Variants in PBX1 observed in about 807,000 individuals in gnomAD.
PBX1 encodes PBX homeobox 1, also known as pre-B-cell leukemia transcription factor 1.
In PBX1, 6 loss-of-function variants were observed where a neutral mutation model predicts 53.4. The observed-to-expected ratio is 0.11, with a 90% CI of 0.06 to 0.22. The LOEUF (loss-of-function observed/expected upper bound fraction) is 0.22, where lower values mean the gene tolerates loss of function less well. Ranked by LOEUF, PBX1 falls within the 10% of genes least tolerant of loss-of-function variation. The pLI, the probability that PBX1 is intolerant of heterozygous loss-of-function variation, is 1.00. For synonymous variants in PBX1, 204 were observed against 212.3 expected, an observed-to-expected ratio of 0.96 and a Z score of 0.34; for missense variants, 251 against 551.4, an observed-to-expected ratio of 0.46 and a Z score of 5.46.
intron 2 of PBX1, among the ~76,000 whole-genome samples, chr1:164,659,415 A>G (rs551564534): frequency 7.9e-5 from 12 of 152,324 alleles, no homozygotes; most frequent in Admixed American, 2.6e-4. Context: ...TCCTCCCTCT[A>G]TATTAACAAA....
intron 2 of PBX1, among the ~76,000 whole-genome samples, chr1:164,791,664 C>T (rs1447238459): frequency 6.6e-6 from 1 of 151,334 alleles, no homozygotes; most frequent in Non-Finnish European, 1.5e-5. Context: ...CAACCACAGA[C>T]TTATGGAAAT....
rs1672331601 is a variant in PBX1 at position 164,870,270 on chromosome 1, T to TTCCTTCC, written n.258-28917_258-28916insCCTTCCT. On this transcript the variant is annotated intron_variant and non_coding_transcript_variant, in intron 2 of 2. Coordinates refer to the PBX1 transcript ENST00000558796. Reference sequence around the variant, plus strand: ...CCTTCCTTCCTTCCTTCCTTCCTTCTTTCTTTCTTTCTTTCTTTCTTTCTT... The same window carrying TTCCTTCC: ...CCTTCCTTCCTTCCTTCCTTCCTTCTTCCTTCCTTCTTTCTTTCTTTCTTTCTTTCTT... Among the ~76,000 whole-genome samples, 40 of 21,452 alleles carry TTCCTTCC rather than the reference T, an allele frequency of 1.9e-3. 1 individual carries two copies. The highest frequency in any genetic ancestry group is 5.3e-3 in the East Asian group (4 of 758). 14.1% of individuals were successfully genotyped at this position (21,452 alleles called of 152,430 possible).
At chr1:164,662,795 T>C (rs7548818) in intron 2 of PBX1, among the ~76,000 whole-genome samples, 10,804 of 152,048 alleles carry the variant, frequency 0.071, 494 homozygotes, top group South Asian at 0.14. Context: ...TTTATCATTC[T>C]ATGTCATTAT....
At chr1:164,817,206 C>T (rs895465311) in intron 6 of PBX1, 1 of 152,178 alleles carries the variant, frequency 6.6e-6, no homozygotes, top group African/African-American at 2.4e-5. Flanking sequence ...TCTGAATGAT[C>T]TTCTCAGCAA....
chr1:164,600,532 A>T (rs1656096565), intron 2 of PBX1, among the ~76,000 whole-genome samples: 1 of 152,200 alleles, frequency 6.6e-6, no homozygotes, highest in South Asian at 2.1e-4. Flanking sequence ...TACAGGCGTG[A>T]GCCACTGCGC....
chr1:164,812,803 A>G (rs541929579), intron 6 of PBX1: 3 of 152,280 alleles, frequency 2.0e-5, no homozygotes, highest in East Asian at 1.9e-4. Context: ...TCAAAATACT[A>G]TATTTTGGGG....
At chr1:164,781,363 C>A (rs1207665460) in intron 2 of PBX1, among the ~76,000 whole-genome samples, 2 of 152,092 alleles carry the variant, frequency 1.3e-5, no homozygotes, top group African/African-American at 4.8e-5. Context: ...CTGTACCTGA[C>A]AAATTGAGCA....
At chr1:164,634,811 C>T (rs1658638937) in intron 2 of PBX1, among the ~76,000 whole-genome samples, 1 of 152,124 alleles carries the variant, frequency 6.6e-6, no homozygotes, top group Non-Finnish European at 1.5e-5. Context: ...CCTAGCCTAT[C>T]AGGACCTGGA....
chr1:164,677,202 C>T (rs1041498084), intron 2 of PBX1, among the ~76,000 whole-genome samples: 1 of 151,312 alleles, frequency 6.6e-6, no homozygotes, highest in Non-Finnish European at 1.5e-5. Flanking sequence ...ACGCCATTCT[C>T]CTGCCTCAGC....
intron 2 of PBX1, among the ~76,000 whole-genome samples, chr1:164,745,100 G>A (rs1665824008): frequency 6.6e-6 from 1 of 152,146 alleles, no homozygotes; most frequent in Admixed American, 6.5e-5. Context: ...TCTAATGAGT[G>A]GCAAAGCCGA....
At chr1:164,612,754 T>C (rs970211065) in intron 2 of PBX1, among the ~76,000 whole-genome samples, 9 of 152,192 alleles carry the variant, frequency 5.9e-5, no homozygotes, top group Admixed American at 1.3e-4. Context: ...CCCGTCTTCC[T>C]GGTCCCTCTC....
At chr1:164,859,140 G>T (rs1348527853) in intron 2 of PBX1, among the ~76,000 whole-genome samples, 1 of 152,118 alleles carries the variant, frequency 6.6e-6, no homozygotes, top group Non-Finnish European at 1.5e-5. Context: ...ATGACAGAAG[G>T]GATACCCGGT....
intron 2 of PBX1, among the ~76,000 whole-genome samples, chr1:164,589,906 C>G (rs543325645): frequency 7.2e-5 from 11 of 152,098 alleles, no homozygotes; most frequent in African/African-American, 2.2e-4. Context: ...CGGAGCCTCC[C>G]GTAAAAAGGC....
intron 2 of PBX1, among the ~76,000 whole-genome samples, chr1:164,658,862 AT>A (rs1660324938): frequency 6.6e-6 from 1 of 152,196 alleles, no homozygotes; most frequent in African/African-American, 2.4e-5. Flanking sequence ...GGCTCTTATT[AT>A]CCCCATTTTA....
chr1:164,695,845 G>A lies in PBX1; in HGVS notation c.266-96649G>A, dbSNP rs140452369. On this transcript the variant is annotated intron_variant, in intron 2 of 8. Coordinates refer to ENST00000420696, the MANE Select transcript of PBX1 (RefSeq NM_002585.4). ...GAGTTTGAGCAGCTAGTCCTAGCTC[G>A]TCTATAATGATTCTGTGGCCCTTGA... Among the ~76,000 whole-genome samples the A allele has an allele frequency of 4.7e-4, 71 of 152,284 alleles. 2 individuals are homozygous for A. The East Asian group carries it at 7.5e-3, about 16-fold the overall frequency.
At chr1:164,870,572 G>T (rs1278454938) in intron 2 of PBX1, among the ~76,000 whole-genome samples, 1 of 151,934 alleles carries the variant, frequency 6.6e-6, no homozygotes, top group Non-Finnish European at 1.5e-5. Context: ...TTGAACTCCT[G>T]ACCTCAAGTG....
intron 2 of PBX1, among the ~76,000 whole-genome samples, chr1:164,588,083 C>T (rs1392740122): frequency 1.3e-5 from 2 of 152,150 alleles, no homozygotes. Context: ...AAAGTGACTG[C>T]ATGGTTGCAT....
rs143853844 is a variant in PBX1, at chr1:164,669,809, A to T, written c.265+106498A>T. ...TTGGGCATTGTCACAGACCGTCATG[A>T]AGTGTCTATTATTGCTTTACTTTCT... On this transcript the variant is annotated intron_variant, in intron 2 of 8. Transcript: ENST00000420696. Among the ~76,000 whole-genome samples the T allele has an allele frequency of 1.5e-3, 228 of 152,270 alleles. 1 individual carries two copies. The highest frequency in any genetic ancestry group is 3.7e-3 in the Admixed American group (56 of 15,302).
chr1:164,849,334 AC>A lies in PBX1; in HGVS notation c.*2661del. The A allele has an allele frequency of 6.5e-7, 1 of 1,535,570 alleles. No homozygotes were observed. The highest frequency in any genetic ancestry group is 8.7e-7 in the Non-Finnish European group (1 of 1,146,756). ...CAGCATTTCACTTAGTCTTCTCTAT[AC>A]CCAGCACCTCCCCCGGCACCCCCGG... is the stretch of plus-strand genomic sequence containing the variant. On this transcript the variant is annotated 3_prime_UTR_variant, in exon 9 of 9. Transcript: ENST00000420696.
Sources: allele counts gnomAD v4.1 joint callset (sites outside exome capture counted in the v4.1 genomes callset), GRCh38; gene constraint gnomAD v4.1.1; transcripts MANE v1.5; gene names NCBI Gene and HGNC (gene_info 2026-07-23, HGNC 2026-07-21).